The following GRIA4 variants were observed in gnomAD, a reference collection of about 807,000 sequenced individuals.
The protein encoded by GRIA4 is glutamate receptor 4.
A neutral mutation model predicts 104.0 loss-of-function variants in GRIA4; 34 were observed. The ratio of observed to expected loss-of-function variants is 0.33; its 90% CI spans 0.25 to 0.44. The LOEUF (loss-of-function observed/expected upper bound fraction) is 0.44, where lower values mean the gene tolerates loss of function less well. Ranked by LOEUF, GRIA4 falls within the 20% of genes least tolerant of loss-of-function variation. The pLI is 1.00. For missense variants in GRIA4, 750 were observed against 1,096.5 expected (o/e 0.68, Z 4.46); for synonymous variants, 386 against 381.9 (o/e 1.01, Z -0.13).
intron 6 of GRIA4, among the ~76,000 whole-genome samples, chr11:105,895,912 T>C (rs1680874125): frequency 6.6e-6 from 1 of 152,208 alleles, no homozygotes; most frequent in Admixed American, 6.5e-5. Context: ...TTTGACAAAA[T>C]GATTTACTTC....
At chr11:105,974,537 C>A (rs186295021) in intron 16 of GRIA4, 93 bp downstream of exon 16, 3 of 1,613,414 alleles carry the variant, frequency 1.9e-6, no homozygotes, top group South Asian at 1.1e-5. Flanking sequence ...TATATGGAAC[C>A]GAAAGTATTA....
chr11:105,688,156 C>CTATATCTATATCTATA (rs373564678), intron 3 of GRIA4, among the ~76,000 whole-genome samples: 21 of 72,772 alleles, frequency 2.9e-4, no homozygotes, highest in Middle Eastern at 6.7e-3. Flanking sequence ...ATATCTATAT[C>CTATATCTATATCTATA]TCTATCTATC....
intron 5 of GRIA4, among the ~76,000 whole-genome samples, chr11:105,867,498 C>T (rs1235962539): frequency 6.6e-6 from 1 of 152,134 alleles, no homozygotes; most frequent in African/African-American, 2.4e-5. Context: ...TCGTACAAAT[C>T]TAGAACTCTG....
chr11:105,691,472 GATA>G (rs1192017394), intron 3 of GRIA4, among the ~76,000 whole-genome samples: 1 of 152,140 alleles, frequency 6.6e-6, no homozygotes, highest in African/African-American at 2.4e-5. Flanking sequence ...AAGGTATCTG[GATA>G]ATAAGTAGTT....
intron 3 of GRIA4, among the ~76,000 whole-genome samples, chr11:105,689,170 C>T (rs935356238): frequency 1.4e-4 from 21 of 151,874 alleles, no homozygotes; most frequent in African/African-American, 5.1e-4. Flanking sequence ...TTATTCATGA[C>T]CCTGGTTATT....
rs529193957 is a variant in GRIA4, at chr11:105,757,562, C to T, written c.487+4342C>T. Among the ~76,000 whole-genome samples the T allele has an allele frequency of 4.6e-5, 7 of 152,078 alleles. 1 individual carries two copies. The East Asian group carries it at 7.7e-4, about 17-fold the overall frequency. ...CCTGCAGAGGGTTTCCTGGTGCCAG[C>T]GGTTCATTTGAAGGGTTAAAGAGGC... On this transcript the variant is annotated intron_variant, in intron 4 of 16. Coordinates refer to ENST00000282499, the MANE Select transcript of GRIA4 (RefSeq NM_000829.4).
intron 4 of GRIA4, among the ~76,000 whole-genome samples, chr11:105,775,124 C>A (rs1350483260): frequency 1.3e-5 from 2 of 152,064 alleles, no homozygotes; most frequent in Non-Finnish European, 2.9e-5. Context: ...GCCCAGCAGC[C>A]TAGCATCTTC....
chr11:105,807,825 A>G (rs1463927409), intron 4 of GRIA4, among the ~76,000 whole-genome samples: 4 of 151,720 alleles, frequency 2.6e-5, no homozygotes, highest in Non-Finnish European at 4.4e-5. Context: ...TTCTACTCTA[A>G]TCATTTCTGC....
chr11:105,693,510 G>T (rs1953162506), intron 3 of GRIA4, among the ~76,000 whole-genome samples: 1 of 152,120 alleles, frequency 6.6e-6, no homozygotes, highest in African/African-American at 2.4e-5. Context: ...ATTCTAGAGA[G>T]ATGCAGGATC....
intron 4 of GRIA4, among the ~76,000 whole-genome samples, chr11:105,834,778 T>A (rs949209909): frequency 6.7e-6 from 1 of 148,568 alleles, no homozygotes; most frequent in Non-Finnish European, 1.5e-5. Context: ...TCCCTGTGGG[T>A]TCGAGCAGAC....
intron 3 of GRIA4, 34 bp from the exon 4 acceptor site, chr11:105,752,946 TA>T: frequency 6.2e-7 from 1 of 1,601,252 alleles, no homozygotes; most frequent in Non-Finnish European, 8.5e-7. Context: ...TTGAGTGTGC[TA>T]ATAGTTTGTG....
At chr11:105,628,392 C>T (rs1323505283) in intron 3 of GRIA4, among the ~76,000 whole-genome samples, 7 of 152,140 alleles carry the variant, frequency 4.6e-5, no homozygotes, top group Non-Finnish European at 8.8e-5. Flanking sequence ...GCTGTGTCCC[C>T]ACCCACATCT....
chr11:105,948,595 G>GTTTTTTTTTTTTTT (rs3060323), intron 14 of GRIA4, among the ~76,000 whole-genome samples: 4 of 87,884 alleles, frequency 4.6e-5, no homozygotes, highest in East Asian at 3.4e-4. Flanking sequence ...TTTTCTTTTT[G>GTTTTTTTTTTTTTT]TTTTTTTTTT....
intron 4 of GRIA4, among the ~76,000 whole-genome samples, chr11:105,843,948 G>A: frequency 6.6e-6 from 1 of 152,110 alleles, no homozygotes; most frequent in East Asian, 1.9e-4. Flanking sequence ...GGAATTTGAA[G>A]ATTATGAACT....
intron 4 of GRIA4, among the ~76,000 whole-genome samples, chr11:105,842,414 A>G (rs1944427087): frequency 6.6e-6 from 1 of 152,188 alleles, no homozygotes; most frequent in African/African-American, 2.4e-5. Flanking sequence ...CAAAACAAGA[A>G]GAGACCTTAA....
At chr11:105,705,948 C>A (rs969927735) in intron 3 of GRIA4, among the ~76,000 whole-genome samples, 1 of 152,156 alleles carries the variant, frequency 6.6e-6, no homozygotes, top group African/African-American at 2.4e-5. Context: ...TGAGGTTATT[C>A]ATTGCAGCAC....
At chr11:105,659,343 A>C (rs1591518353) in intron 3 of GRIA4, among the ~76,000 whole-genome samples, 2 of 152,008 alleles carry the variant, frequency 1.3e-5, no homozygotes, top group East Asian at 3.9e-4. Context: ...AGATATTAAG[A>C]GACTTCTAGG....
chr11:105,612,692 A>C, intron 3 of GRIA4: 1 of 430,480 alleles, frequency 2.3e-6, no homozygotes, highest in Non-Finnish European at 4.1e-6. Context: ...TCTTTTATTC[A>C]TTATCTGTCT....
intron 9 of GRIA4, among the ~76,000 whole-genome samples, chr11:105,909,319 C>A (rs893457685): frequency 6.6e-6 from 1 of 152,172 alleles, no homozygotes; most frequent in Middle Eastern, 3.4e-3. Context: ...TGAATACAGA[C>A]CAGTGAGCAA....
Sources: allele counts gnomAD v4.1 joint callset (sites outside exome capture counted in the v4.1 genomes callset), GRCh38; gene constraint gnomAD v4.1.1; transcripts MANE v1.5; gene names NCBI Gene and HGNC (gene_info 2026-07-23, HGNC 2026-07-21).